The following ITPR1 variants were observed in gnomAD, a reference collection of about 807,000 sequenced individuals.
ITPR1 encodes inositol 1,4,5-trisphosphate-gated calcium channel ITPR1.
In ITPR1, 96 loss-of-function variants were observed where a neutral mutation model predicts 318.4. The observed-to-expected ratio is 0.30, with a 90% CI of 0.26 to 0.36. The LOEUF (loss-of-function observed/expected upper bound fraction) is 0.36. Ranked by LOEUF, ITPR1 falls within the 10% of genes least tolerant of loss-of-function variation. ITPR1 has a pLI of 1.00. For missense variants in ITPR1, 2,440 were observed against 3,460.2 expected, an observed-to-expected ratio of 0.71 and a Z score of 7.40; for synonymous variants, 1,312 against 1,289.9, an observed-to-expected ratio of 1.02 and a Z score of -0.37.
rs192373302 is a variant in ITPR1, at chr3:4,782,887, G to C, written c.6510+146G>C. The C allele has an allele frequency of 1.1e-4, 71 of 649,458 alleles. No homozygotes were observed. In the African/African-American group the frequency reaches 1.3e-3, roughly 12 times the overall value. 40.2% of individuals were successfully genotyped at this position (649,458 alleles called of 1,614,324 possible). A position where few individuals can be genotyped will look rare whatever the true frequency, so the allele number is the denominator to read the frequency against. On this transcript the variant is annotated intron_variant, in intron 50 of 61. Transcript: ENST00000649015. ...ATGAGCCTGCGGCTCACAGGTGCTC[G>C]TGGCAACCTGACCCAGTGTGCAGAG... is the stretch of plus-strand genomic sequence containing the variant.
chr3:4,771,705 G>T (rs769385548), intron 46 of ITPR1, among the ~76,000 whole-genome samples: 1 of 152,020 alleles, frequency 6.6e-6, no homozygotes, highest in African/African-American at 2.4e-5. Context: ...CAGTGCTGTG[G>T]GGTGTTGGGG....
At chr3:4,825,113 C>T (rs976513214) in intron 60 of ITPR1, among the ~76,000 whole-genome samples, 1 of 152,230 alleles carries the variant, frequency 6.6e-6, no homozygotes, top group African/African-American at 2.4e-5. Flanking sequence ...TCTGCTCCAT[C>T]ATCCTTTAAG....
intron 47 of ITPR1, 134 bp downstream of exon 47, chr3:4,775,576 G>A: frequency 1.5e-6 from 1 of 659,570 alleles, no homozygotes; most frequent in Non-Finnish European, 2.6e-6. Context: ...CTGTCTTCCA[G>A]CAGTTGAGAA....
rs537005945 is a variant in ITPR1 at position 4,576,667 on chromosome 3, G to A, written c.164-51096G>A. 5.3e-5 allele frequency among the ~76,000 whole-genome samples: 8 copies of A among 152,216 alleles called. No homozygotes were observed. The East Asian group carries it at 1.3e-3, about 26-fold the overall frequency. On this transcript the variant is annotated intron_variant, in intron 4 of 61. Coordinates refer to ENST00000649015, the MANE Select transcript of ITPR1 (RefSeq NM_001378452.1). ...GTCATGGCAATGGAGCCCGTTATCC[G>A]TGGAATGCTACAATCTGTAGCTAAT...
At chr3:4,499,665 G>A (rs748347281) in intron 2 of ITPR1, among the ~76,000 whole-genome samples, 3 of 151,894 alleles carry the variant, frequency 2.0e-5, no homozygotes, top group Non-Finnish European at 4.4e-5. Context: ...TGTTGTTATC[G>A]AAGAAACTGG....
At chr3:4,548,355 C>T (rs1170726367) in intron 4 of ITPR1, among the ~76,000 whole-genome samples, 1 of 152,140 alleles carries the variant, frequency 6.6e-6, no homozygotes. Context: ...TTCAAGAACT[C>T]GTAAAGTGAA....
intron 46 of ITPR1, among the ~76,000 whole-genome samples, chr3:4,772,045 A>G (rs959557850): frequency 4.6e-5 from 7 of 152,338 alleles, no homozygotes; most frequent in Admixed American, 6.5e-5. Flanking sequence ...TCATCCTTAA[A>G]AACTCCTGCA....
At chr3:4,772,116 C>T (rs1312607819) in intron 46 of ITPR1, among the ~76,000 whole-genome samples, 2 of 152,210 alleles carry the variant, frequency 1.3e-5, no homozygotes, top group Non-Finnish European at 2.9e-5. Flanking sequence ...TAGAAATCCA[C>T]TTCTCCAAAG....
intron 2 of ITPR1, among the ~76,000 whole-genome samples, chr3:4,497,995 C>G (rs2080730045): frequency 1.3e-5 from 2 of 152,200 alleles, no homozygotes; most frequent in South Asian, 2.1e-4. Flanking sequence ...CTAGAGTAGT[C>G]AGATCCCTGC....
Position 4,665,080 on chromosome 3 carries a change from A to T in ITPR1, c.1555-58A>T, listed in dbSNP as rs1326473700. The T allele has an allele frequency of 1.9e-6, 3 of 1,580,904 alleles. No individual in the cohort carries two copies. In the African/African-American group the frequency reaches 4.0e-5, roughly 21 times the overall value. ...TTGAGCTTGCATTACTTCCAAACAG[A>T]GGGTTAGCTTTGAAGCCCTAAGTGA... On this transcript the variant is annotated intron_variant, in intron 16 of 61. Transcript: ENST00000649015.
intron 54 of ITPR1, among the ~76,000 whole-genome samples, chr3:4,803,982 C>T (rs901639009): frequency 6.6e-6 from 1 of 152,212 alleles, no homozygotes; most frequent in Non-Finnish European, 1.5e-5. Context: ...AGCAATTCTC[C>T]TCCCTCAGCC....
chr3:4,680,443 A>G, intron 24 of ITPR1, 110 bp from the exon 25 acceptor site: 2 of 917,806 alleles, frequency 2.2e-6, no homozygotes, highest in Non-Finnish European at 3.4e-6. Context: ...TTAGTGCTTA[A>G]GGTAATTGAT....
At chr3:4,583,583 CA>C (rs1262072265) in intron 4 of ITPR1, among the ~76,000 whole-genome samples, 1 of 152,208 alleles carries the variant, frequency 6.6e-6, no homozygotes, top group African/African-American at 2.4e-5. Context: ...TTCTATCATC[CA>C]GCTGGCTAGT....
intron 53 of ITPR1, among the ~76,000 whole-genome samples, chr3:4,798,765 A>G (rs866533027): frequency 4.7e-4 from 71 of 152,382 alleles, no homozygotes; most frequent in Middle Eastern, 3.4e-3. Flanking sequence ...AGTACAAAGT[A>G]TCAATACATA....
At chr3:4,563,424 T>C (rs1263584515) in intron 4 of ITPR1, among the ~76,000 whole-genome samples, 2 of 151,978 alleles carry the variant, frequency 1.3e-5, no homozygotes, top group Non-Finnish European at 2.9e-5. Context: ...TAGGAGGATT[T>C]CTTGAGCCTG....
At chr3:4,609,868 G>T (rs544345073) in intron 4 of ITPR1, among the ~76,000 whole-genome samples, 1 of 152,326 alleles carries the variant, frequency 6.6e-6, no homozygotes, top group East Asian at 1.9e-4. Context: ...GGCCAAACCA[G>T]CAGTGACAGC....
intron 24 of ITPR1, among the ~76,000 whole-genome samples, chr3:4,677,457 A>G (rs1160729613): frequency 6.6e-6 from 1 of 152,200 alleles, no homozygotes; most frequent in Non-Finnish European, 1.5e-5. Flanking sequence ...GTACAGTGAC[A>G]TGATTACACA....
At chr3:4,756,662 C>T (rs541632636) in intron 44 of ITPR1, among the ~76,000 whole-genome samples, 1 of 152,164 alleles carries the variant, frequency 6.6e-6, no homozygotes, top group African/African-American at 2.4e-5. Flanking sequence ...GATATGATCT[C>T]GTTCTTTTTC....
At chr3:4,661,280 A>G (rs1471575602) in intron 14 of ITPR1, among the ~76,000 whole-genome samples, 193 bp downstream of exon 14, 2 of 152,208 alleles carry the variant, frequency 1.3e-5, no homozygotes, top group African/African-American at 4.8e-5. Flanking sequence ...GGCTTTTGAA[A>G]TAACTACAAC....
Sources: gnomAD v4.1 joint callset for allele counts (sites outside exome capture counted in the v4.1 genomes callset) on GRCh38, gnomAD v4.1.1 for gene constraint, MANE v1.5 for transcripts, NCBI Gene and HGNC (gene_info 2026-07-23, HGNC 2026-07-21) for gene names.